The following DNAH1 variants were observed in gnomAD, a reference collection of about 807,000 sequenced individuals.
DNAH1 encodes the protein axonemal beta dynein heavy chain 1.
Under a neutral mutation model 484.3 loss-of-function variants are expected in DNAH1, and 327 were observed. That is an observed-to-expected ratio of 0.68 (90% CI 0.62 to 0.74). The LOEUF (loss-of-function observed/expected upper bound fraction) is 0.74. Ranked by LOEUF, DNAH1 falls within the 30% of genes least tolerant of loss-of-function variation. The pLI, the probability that DNAH1 is intolerant of heterozygous loss-of-function variation, is 0.00. For missense variants in DNAH1, 5,052 were observed against 5,546.8 expected, an observed-to-expected ratio of 0.91 and a Z score of 2.83; for synonymous variants, 2,192 against 2,191.9, an observed-to-expected ratio of 1.00 and a Z score of 0.00.
At chr3:52,347,800 C>T (rs200802225) in intron 11 of DNAH1, 24 bp from the exon 12 acceptor site, 791 of 1,553,104 alleles carry the variant, frequency 5.1e-4, no homozygotes, top group Non-Finnish European at 6.3e-4. Flanking sequence ...CCTCTGCCCA[C>T]AGTCAGCTCG....
At chr3:52,323,537 G>A (rs1701226881) in intron 2 of DNAH1, among the ~76,000 whole-genome samples, 1 of 152,200 alleles carries the variant, frequency 6.6e-6, no homozygotes, top group Non-Finnish European at 1.5e-5. Flanking sequence ...CTCAGCCCCG[G>A]GATGCACTGT....
intron 8 of DNAH1, among the ~76,000 whole-genome samples, chr3:52,344,017 A>G (rs753105930): frequency 2.0e-5 from 3 of 152,350 alleles, no homozygotes; most frequent in Non-Finnish European, 2.9e-5. Context: ...CCTCAGGCCC[A>G]GTCATGGGCA....
chr3:52,332,301 T>A lies in DNAH1; in HGVS notation c.1193T>A (p.Met398Lys). Residue 398 changes from methionine to lysine, a missense_variant, in exon 8 of 78, where the codon ATG becomes AAG. Coordinates refer to ENST00000420323, the MANE Select transcript of DNAH1 (RefSeq NM_015512.5). ...CTCTACAACTTGTATGTGGACTGCA[T>A]GCCCTCTGACGGCCAGCATGTCATC... ...LLLYNLYVDC[M>K]PSDGQHVISE... 1 of 1,614,082 alleles carries A rather than the reference T, an allele frequency of 6.2e-7. No individual in the cohort carries two copies.
In DNAH1 at chr3:52,361,889, C is replaced by T. The variant is rs550187376; in HGVS notation, c.4980+123C>T. The T allele has an allele frequency of 7.0e-5, 73 of 1,041,960 alleles. 1 individual carries two copies. The highest frequency in any genetic ancestry group is 1.5e-4 in the Admixed American group (7 of 45,314). The allele number at this position is 1,041,960 out of a possible 1,614,324, so 64.5% of individuals were successfully genotyped here. A position where few individuals can be genotyped will look rare whatever the true frequency, so the allele number is the denominator to read the frequency against. On this transcript the variant is annotated intron_variant, in intron 30 of 77. Transcript: ENST00000420323. This position sits in a 1 kb window ranked among gnomAD's most constrained non-coding sequence, Gnocchi z 5.6. The stretch of plus-strand genomic sequence containing the variant: ...ACCCTGGGTCCAGCCTCTCTTGTCC[C>T]GGGGGCACACCCTAACCCCAGTCTG...
At chr3:52,321,009 A>G (rs1413383223) in intron 1 of DNAH1, among the ~76,000 whole-genome samples, 1 of 151,902 alleles carries the variant, frequency 6.6e-6, no homozygotes, top group African/African-American at 2.4e-5. Context: ...CATGTTGACC[A>G]GGCTGGTCTC....
chr3:52,389,013 C>T lies in DNAH1; in HGVS notation c.9495+76C>T. 7 of 1,460,420 alleles carry T rather than the reference C, an allele frequency of 4.8e-6. No homozygotes were observed. In the South Asian group the frequency reaches 9.7e-5, roughly 20 times the overall value. The allele number at this position is 1,460,420 out of a possible 1,614,324, so 90.5% of individuals were successfully genotyped here. On this transcript the variant is annotated intron_variant, in intron 59 of 77. Coordinates refer to ENST00000420323, the MANE Select transcript of DNAH1 (RefSeq NM_015512.5). ...CCCTTCCCCCTTGAGGCCTCGCCTCCATGATAGGCAGCCTGCAGGTGGCTC... is the reference window on the plus strand; with the variant it reads ...CCCTTCCCCCTTGAGGCCTCGCCTCTATGATAGGCAGCCTGCAGGTGGCTC...
At chr3:52,317,151 T>A (rs1378499415) in intron 1 of DNAH1, among the ~76,000 whole-genome samples, 1 of 152,220 alleles carries the variant, frequency 6.6e-6, no homozygotes, top group Admixed American at 6.5e-5. Flanking sequence ...CTGACGTGTT[T>A]CTTCAAACAC....
At chr3:52,380,327 CT>C (rs1249039538) in intron 48 of DNAH1, among the ~76,000 whole-genome samples, 192 bp downstream of exon 48, 2 of 152,174 alleles carry the variant, frequency 1.3e-5, no homozygotes, top group Non-Finnish European at 2.9e-5. Flanking sequence ...GGTTTCTTCA[CT>C]TATCTCTGAA....
chr3:52,356,106 C>T (rs184887593), intron 21 of DNAH1, among the ~76,000 whole-genome samples: 1 of 152,182 alleles, frequency 6.6e-6, no homozygotes, highest in Non-Finnish European at 1.5e-5. Flanking sequence ...GAGATACATC[C>T]TGAATGGGGA....
chr3:52,317,392 A>G (rs1347834847), intron 1 of DNAH1, among the ~76,000 whole-genome samples: 3 of 152,066 alleles, frequency 2.0e-5, no homozygotes, highest in African/African-American at 7.2e-5. Context: ...TCACCGTGCA[A>G]TGGGTGGGTG....
chr3:52,387,247 T>A (rs1704150168), intron 56 of DNAH1, among the ~76,000 whole-genome samples: 2 of 152,166 alleles, frequency 1.3e-5, no homozygotes, highest in Admixed American at 1.3e-4. Context: ...ACCTTCACCA[T>A]CTGCCCAGTC....
chr3:52,394,999 T>A lies in DNAH1; in HGVS notation c.10908T>A (p.Val3636=). ...TCCGCTGCCTGCGTGGGGACAAGGT[T>A]ACCAACGCCATGCAGGACTTTGTGG... The part of the protein sequence containing the change: ...LVLRCLRGDK[V]TNAMQDFVAT... The change falls in exon 68 of 78, where the codon GTT becomes GTA. Residue 3636 remains valine (V), a synonymous_variant. Coordinates refer to ENST00000420323, the MANE Select transcript of DNAH1 (RefSeq NM_015512.5). The A allele has an allele frequency of 6.2e-7, 1 of 1,612,422 alleles. No individual in the cohort carries two copies. Among genetic ancestry groups the A allele is most frequent in the South Asian group, 1.1e-5 (1 of 90,622 alleles).
rs975885724 is a variant in DNAH1 at position 52,399,315 on chromosome 3, A to T, written c.12441+114A>T. 5 of 1,187,746 alleles carry T rather than the reference A, an allele frequency of 4.2e-6. No individual in the cohort carries two copies. The Admixed American group carries it at 6.7e-5, about 16-fold the overall frequency. 73.6% of individuals were successfully genotyped at this position (1,187,746 alleles called of 1,614,324 possible). ...GGGGGACCCCTAAGCCAGGGCATGG[A>T]AAGACCCAAGCCAGAAGAGGCCATG... On this transcript the variant is annotated intron_variant, in intron 76 of 77. Coordinates refer to ENST00000420323, the MANE Select transcript of DNAH1 (RefSeq NM_015512.5).
rs569452421 is a variant in DNAH1 at position 52,397,568 on chromosome 3, G to T, written c.11788-139G>T. 95 of 786,858 alleles carry T rather than the reference G, an allele frequency of 1.2e-4. 1 individual carries two copies. The South Asian group carries it at 1.8e-3, about 15-fold the overall frequency. 48.7% of individuals were successfully genotyped at this position (786,858 alleles called of 1,614,324 possible). Reference sequence around the variant, plus strand: ...GCCTCAGAGGCCTGGAGTCCCAAGAGCAGGGACATGCATAAGGGTTATGAG... The same window carrying T: ...GCCTCAGAGGCCTGGAGTCCCAAGATCAGGGACATGCATAAGGGTTATGAG... On this transcript the variant is annotated intron_variant, in intron 73 of 77. Coordinates refer to ENST00000420323, the MANE Select transcript of DNAH1 (RefSeq NM_015512.5).
Position 52,398,897 on chromosome 3 carries a change from T to C in DNAH1, c.12137T>C (p.Leu4046Pro), listed in dbSNP as rs1280136436. 1.9e-6 allele frequency: 3 copies of C among 1,600,188 alleles called. No individual in the cohort carries two copies. Among genetic ancestry groups the C allele is most frequent in the Non-Finnish European group, 2.6e-6 (3 of 1,171,776 alleles). ...QVITQTLQDL[L>P]KALKGLVVMS... ...ATCACACAGACACTGCAAGACCTAC[T>C]CAAGGCACTCAAGGGGCTGGTAGTG... Residue 4046 changes from leucine (L) to proline (P), a missense_variant, in exon 76 of 78, where the codon CTC (leucine) becomes CCC (proline). Transcript: ENST00000420323.
Position 52,372,100 on chromosome 3 carries a change from C to T in DNAH1, c.6666+14C>T, listed in dbSNP as rs147159692. On this transcript the variant is annotated intron_variant, in intron 42 of 77. Transcript: ENST00000420323. ...AACAAGAAGCCCGTGAGCACCCCCC[C>T]AGGCCCTGCCTCCACTGTCCCCAAG... 2.5e-5 allele frequency: 41 copies of T among 1,612,672 alleles called. No homozygotes were observed. Among genetic ancestry groups the T allele is most frequent in the Admixed American group, 3.3e-5 (2 of 59,990 alleles).
chr3:52,339,599 G>A (rs746625575), intron 8 of DNAH1, among the ~76,000 whole-genome samples: 1 of 152,042 alleles, frequency 6.6e-6, no homozygotes, highest in South Asian at 2.1e-4. Context: ...TATCAGTTAA[G>A]ATGCTCTTGT....
At chr3:52,378,034 C>T (rs922186758) in intron 46 of DNAH1, among the ~76,000 whole-genome samples, 4 of 152,126 alleles carry the variant, frequency 2.6e-5, no homozygotes, top group African/African-American at 4.8e-5. Flanking sequence ...TCCACTTCTC[C>T]GCCAAGTTTC....
intron 63 of DNAH1, 28 bp downstream of exon 63, chr3:52,391,631 A>C: frequency 1.2e-6 from 2 of 1,612,886 alleles, no homozygotes; most frequent in Non-Finnish European, 1.7e-6. Context: ...GGGACGCCCA[A>C]GCATCAGCTC....
Sources: allele counts gnomAD v4.1 joint callset (sites outside exome capture counted in the v4.1 genomes callset), GRCh38; gene constraint gnomAD v4.1.1; non-coding constraint Gnocchi (gnomAD v3.1); transcripts MANE v1.5; gene names NCBI Gene and HGNC (gene_info 2026-07-23, HGNC 2026-07-21).